The following APP variants were observed in gnomAD, a reference collection of about 807,000 sequenced individuals.
APP encodes the protein amyloid beta precursor protein.
APP carries 31 observed loss-of-function variants against 101.4 expected under a neutral mutation model. That is an observed-to-expected ratio of 0.31 (90% CI 0.23 to 0.41). The LOEUF (loss-of-function observed/expected upper bound fraction) is 0.41, where lower values mean the gene tolerates loss of function less well. Among genes scored for constraint, APP ranks in the 10% least tolerant of loss-of-function variants. APP has a pLI of 1.00. For synonymous variants in APP, 366 were observed against 364.4 expected (o/e 1.00, Z -0.05); for missense variants, 839 against 1,003.7 (o/e 0.84, Z 2.22).
At chr21:26,083,564 T>G (rs926011069) in intron 3 of APP, among the ~76,000 whole-genome samples, 2 of 152,270 alleles carry the variant, frequency 1.3e-5, no homozygotes, top group Admixed American at 1.3e-4. Context: ...TGAATATATG[T>G]TACTTTTGTA....
intron 11 of APP, among the ~76,000 whole-genome samples, chr21:25,961,761 T>G (rs1432537400): frequency 2.0e-5 from 3 of 152,188 alleles, no homozygotes; most frequent in Admixed American, 6.5e-5. Context: ...CTCTGTTATC[T>G]CTATAGAAAC....
chr21:26,034,691 A>G (rs943484844), intron 5 of APP, among the ~76,000 whole-genome samples: 1 of 151,954 alleles, frequency 6.6e-6, no homozygotes, highest in Admixed American at 6.6e-5. Context: ...GAAATCTATT[A>G]TCGATTAGAT....
intron 3 of APP, among the ~76,000 whole-genome samples, chr21:26,061,452 T>C (rs1568926324): frequency 6.6e-6 from 1 of 152,386 alleles, no homozygotes; most frequent in East Asian, 1.9e-4. Context: ...GTGCTCATTA[T>C]ATGCTATCTT....
intron 2 of APP, among the ~76,000 whole-genome samples, chr21:26,110,445 CAAAAA>C (rs922624834): frequency 1.3e-5 from 2 of 148,636 alleles, no homozygotes; most frequent in Admixed American, 1.3e-4. Flanking sequence ...GATGTCATCT[CAAAAA>C]AAAACAAAAC....
chr21:25,891,970 C>T, intron 16 of APP, 102 bp from the exon 17 acceptor site: 1 of 1,181,482 alleles, frequency 8.5e-7, no homozygotes, highest in Non-Finnish European at 1.2e-6. Flanking sequence ...ATGCAGGGGA[C>T]ATTTGGATGA....
chr21:25,975,818 G>T, intron 10 of APP, 136 bp downstream of exon 10: 2 of 736,586 alleles, frequency 2.7e-6, no homozygotes, highest in Admixed American at 2.0e-5. Flanking sequence ...ACTAGACAAT[G>T]ATTAAGAACA....
chr21:26,076,142 C>T (rs1388114916), intron 3 of APP, among the ~76,000 whole-genome samples: 3 of 152,176 alleles, frequency 2.0e-5, no homozygotes, highest in East Asian at 1.9e-4. Context: ...GATCTGCCCA[C>T]CTCGGCCTCC....
At chr21:26,031,281 G>GA (rs2044807125) in intron 5 of APP, among the ~76,000 whole-genome samples, 1 of 152,222 alleles carries the variant, frequency 6.6e-6, no homozygotes, top group Admixed American at 6.5e-5. Flanking sequence ...CACAAAGTAA[G>GA]AGAAAAGCCT....
intron 15 of APP, among the ~76,000 whole-genome samples, chr21:25,898,548 C>T (rs964614570): frequency 6.6e-6 from 1 of 152,154 alleles, no homozygotes; most frequent in Non-Finnish European, 1.5e-5. Context: ...TACCGTGTTC[C>T]CACCCAGGGG....
chr21:26,128,980 G>C (rs2062737894), intron 1 of APP, among the ~76,000 whole-genome samples: 1 of 152,106 alleles, frequency 6.6e-6, no homozygotes, highest in Non-Finnish European at 1.5e-5. Flanking sequence ...CTGCAGAAAT[G>C]ATGATTATAA....
At chr21:26,026,603 C>A (rs1006246443) in intron 5 of APP, among the ~76,000 whole-genome samples, 2 of 152,144 alleles carry the variant, frequency 1.3e-5, no homozygotes, top group African/African-American at 4.8e-5. Context: ...CCAAAAAAGT[C>A]ACCATTTGTA....
intron 3 of APP, among the ~76,000 whole-genome samples, chr21:26,083,405 A>T (rs1386482390): frequency 6.6e-6 from 1 of 152,248 alleles, no homozygotes; most frequent in East Asian, 1.9e-4. Context: ...TAAAAATGTT[A>T]GGTGTAAAAA....
intron 13 of APP, among the ~76,000 whole-genome samples, chr21:25,952,509 C>T (rs2146480103): frequency 6.6e-6 from 1 of 152,118 alleles, no homozygotes; most frequent in South Asian, 2.1e-4. Context: ...GATATCTGAA[C>T]CACCATCTGT....
chr21:25,962,109 T>C (rs1275337721), intron 11 of APP, among the ~76,000 whole-genome samples: 1 of 152,244 alleles, frequency 6.6e-6, no homozygotes, highest in Non-Finnish European at 1.5e-5. Flanking sequence ...ATCCTATTTA[T>C]TGTCACTACT....
chr21:26,136,343 T>C lies in APP; in HGVS notation c.58-24197A>G, dbSNP rs182708959. On this transcript the variant is annotated intron_variant, in intron 1 of 17. Transcript: ENST00000346798. Reference sequence around the variant, plus strand: ...ACAATATACAGCCACCGAGCAATCATATACATCTTTTAAAAAGAAACAGGC... The same window carrying C: ...ACAATATACAGCCACCGAGCAATCACATACATCTTTTAAAAAGAAACAGGC... Among the ~76,000 whole-genome samples, 581 of 152,188 alleles carry C rather than the reference T, an allele frequency of 3.8e-3. 1 individual carries two copies. The highest frequency in any genetic ancestry group is 0.01 in the Middle Eastern group (3 of 292).
intron 13 of APP, among the ~76,000 whole-genome samples, chr21:25,951,304 G>A (rs1292773570): frequency 1.3e-5 from 2 of 152,174 alleles, no homozygotes; most frequent in Non-Finnish European, 2.9e-5. Context: ...CTAATTGGAA[G>A]CATAATTTAC....
intron 2 of APP, among the ~76,000 whole-genome samples, chr21:26,097,760 T>C (rs1462714191): frequency 1.3e-5 from 2 of 152,196 alleles, no homozygotes; most frequent in East Asian, 3.9e-4. Context: ...TCATTGAAAG[T>C]GAATGTATCA....
intron 1 of APP, among the ~76,000 whole-genome samples, chr21:26,151,923 A>G (rs933688364): frequency 6.6e-6 from 1 of 152,150 alleles, no homozygotes; most frequent in African/African-American, 2.4e-5. Flanking sequence ...TATTTGGCAA[A>G]CAATCCCTCT....
At chr21:25,916,561 C>A (rs2039358554) in intron 13 of APP, among the ~76,000 whole-genome samples, 1 of 152,172 alleles carries the variant, frequency 6.6e-6, no homozygotes, top group Admixed American at 6.5e-5. Context: ...ACTAATCACA[C>A]CGAAACCACA....
Sources: gnomAD v4.1 joint callset for allele counts (sites outside exome capture counted in the v4.1 genomes callset) on GRCh38, gnomAD v4.1.1 for gene constraint, MANE v1.5 for transcripts, NCBI Gene and HGNC (gene_info 2026-07-23, HGNC 2026-07-21) for gene names.